The following ROBO2 variants were observed in gnomAD, a reference collection of about 807,000 sequenced individuals.
ROBO2 encodes the protein roundabout homolog 2.
Under a neutral mutation model 160.8 loss-of-function variants are expected in ROBO2, and 53 were observed. The observed-to-expected ratio is 0.33, with a 90% CI of 0.26 to 0.41. ROBO2 has a LOEUF of 0.41. Ranked by LOEUF, ROBO2 falls within the 10% of genes least tolerant of loss-of-function variation. The probability of loss-of-function intolerance (pLI) is 1.00; values close to 1 mark genes in which losing one functional copy is unlikely to be tolerated. For missense variants in ROBO2, 1,577 were observed against 1,722.4 expected, an observed-to-expected ratio of 0.92 and a Z score of 1.49; for synonymous variants, 664 against 611.7, an observed-to-expected ratio of 1.09 and a Z score of -1.26.
At chr3:76,854,807 T>C (rs552058706) in intron 2 of ROBO2, among the ~76,000 whole-genome samples, 1 of 152,148 alleles carries the variant, frequency 6.6e-6, no homozygotes, top group Non-Finnish European at 1.5e-5. Flanking sequence ...TTTTAAATCA[T>C]AAACTAAAGA....
chr3:76,175,625 C>T (rs935049202), intron 2 of ROBO2, among the ~76,000 whole-genome samples: 2 of 152,220 alleles, frequency 1.3e-5, no homozygotes, highest in East Asian at 3.9e-4. Flanking sequence ...GAAAGCTATA[C>T]TCCCTATCCT....
intron 2 of ROBO2, among the ~76,000 whole-genome samples, chr3:77,228,778 A>G (rs62253279): frequency 0.028 from 4,224 of 152,330 alleles, 66 homozygotes; most frequent in Middle Eastern, 0.054. Flanking sequence ...AAATCTTAAC[A>G]AAATCCAAAA....
At chr3:77,442,582 C>T (rs927323335) in intron 2 of ROBO2, among the ~76,000 whole-genome samples, 2 of 152,130 alleles carry the variant, frequency 1.3e-5, no homozygotes, top group African/African-American at 2.4e-5. Context: ...TCAAAACAGT[C>T]TCCAATACAT....
chr3:77,083,245 G>A (rs944363026), intron 1 of ROBO2, among the ~76,000 whole-genome samples: 2 of 152,054 alleles, frequency 1.3e-5, no homozygotes, highest in African/African-American at 2.4e-5. Flanking sequence ...CCAAATAAAC[G>A]CTGAGCCCCA....
intron 2 of ROBO2, among the ~76,000 whole-genome samples, chr3:76,682,981 C>T (rs1380236324): frequency 6.6e-6 from 1 of 152,040 alleles, no homozygotes; most frequent in Non-Finnish European, 1.5e-5. Context: ...TTAAATGATA[C>T]TTGATGAGAT....
chr3:76,210,960 T>C (rs1404845295), intron 2 of ROBO2, among the ~76,000 whole-genome samples: 2 of 152,138 alleles, frequency 1.3e-5, no homozygotes, highest in Non-Finnish European at 2.9e-5. Flanking sequence ...GTTAATATGC[T>C]CAGCATTTAC....
At chr3:76,517,549 C>T (rs3913570) in intron 2 of ROBO2, among the ~76,000 whole-genome samples, 97,590 of 151,938 alleles carry the variant, frequency 0.64, 31,569 homozygotes, top group African/African-American at 0.71. Flanking sequence ...CCAAATCCAA[C>T]TGGTGGCAAA....
intron 2 of ROBO2, among the ~76,000 whole-genome samples, chr3:76,920,842 A>ATG (rs2076609363): frequency 6.6e-6 from 1 of 152,254 alleles, no homozygotes; most frequent in Non-Finnish European, 1.5e-5. Context: ...CAAAAGTTAG[A>ATG]CAAATTTAAA....
chr3:76,301,794 A>G (rs1160633872), intron 2 of ROBO2, among the ~76,000 whole-genome samples: 3 of 152,116 alleles, frequency 2.0e-5, no homozygotes, highest in Non-Finnish European at 4.4e-5. Flanking sequence ...TGACCATGTA[A>G]CAAAAATATA....
At chr3:76,524,005 T>C (rs2081790467) in intron 2 of ROBO2, among the ~76,000 whole-genome samples, 1 of 146,756 alleles carries the variant, frequency 6.8e-6, no homozygotes, top group Non-Finnish European at 1.5e-5. Flanking sequence ...TGTGTGTGTG[T>C]GTGGTGTCTT....
chr3:76,891,174 T>TTC (rs566485084), intron 2 of ROBO2, among the ~76,000 whole-genome samples: 2 of 152,268 alleles, frequency 1.3e-5, no homozygotes, highest in African/African-American at 4.8e-5. Flanking sequence ...TTTTAAATAT[T>TTC]TCTGTATTTT....
In ROBO2 at chr3:76,061,133, C is replaced by T. The variant is rs150994271; in HGVS notation, c.109+123531C>T. Among the ~76,000 whole-genome samples, 108 of 152,294 alleles carry T rather than the reference C, an allele frequency of 7.1e-4. 2 individuals are homozygous for T. The East Asian group carries it at 0.019, about 26-fold the overall frequency. On this transcript the variant is annotated intron_variant, in intron 2 of 26. Coordinates refer to the ROBO2 transcript ENST00000487694. Reference sequence around the variant, plus strand: ...AAAAATCAATGTCAAGGTGACTTCACATGTGCAAATTCTCAGCAACAAGTT... The same window carrying T: ...AAAAATCAATGTCAAGGTGACTTCATATGTGCAAATTCTCAGCAACAAGTT...
chr3:75,995,257 A>G (rs2065690934), intron 2 of ROBO2, among the ~76,000 whole-genome samples: 2 of 152,132 alleles, frequency 1.3e-5, no homozygotes, highest in South Asian at 4.1e-4. Flanking sequence ...TCTAGAAGGA[A>G]AAAATGGTTT....
intron 2 of ROBO2, among the ~76,000 whole-genome samples, chr3:77,158,223 G>A (rs575997845): frequency 6.6e-6 from 1 of 152,236 alleles, no homozygotes; most frequent in East Asian, 1.9e-4. Context: ...CCAACATTGG[G>A]TAGAACTCAT....
chr3:77,608,127 A>G (rs1043644908), intron 21 of ROBO2, among the ~76,000 whole-genome samples, 173 bp downstream of exon 22: 4 of 151,270 alleles, frequency 2.6e-5, no homozygotes, highest in African/African-American at 7.3e-5. Context: ...TAGCTGATAA[A>G]TACAAAACAG....
At chr3:76,172,152 T>A (rs1164369632) in intron 2 of ROBO2, among the ~76,000 whole-genome samples, 1 of 152,016 alleles carries the variant, frequency 6.6e-6, no homozygotes, top group African/African-American at 2.4e-5. Context: ...TCCATGTCCC[T>A]ACAAAGGAGA....
chr3:76,416,979 T>C (rs1377620732), intron 2 of ROBO2, among the ~76,000 whole-genome samples: 3 of 152,234 alleles, frequency 2.0e-5, no homozygotes, highest in African/African-American at 7.2e-5. Flanking sequence ...ATTAATGTTA[T>C]AAGCATGTTA....
rs1312062679 is a variant in ROBO2, at chr3:77,277,331, A to G, written c.388+178991A>G. Reference sequence around the variant, plus strand: ...ATTTTAAGTTCAGGTGTACATGTGCAGGATGTGCAGGTTTGTTCCATAGGT... The same window carrying G: ...ATTTTAAGTTCAGGTGTACATGTGCGGGATGTGCAGGTTTGTTCCATAGGT... On this transcript the variant is annotated intron_variant, in intron 2 of 25. Coordinates refer to ENST00000461745, the Ensembl canonical transcript of ROBO2. Among the ~76,000 whole-genome samples the G allele has an allele frequency of 2.0e-5, 3 of 151,014 alleles. No individual in the cohort carries two copies. The South Asian group carries it at 6.3e-4, about 32-fold the overall frequency.
chr3:77,028,128 A>C (rs994697626), intron 2 of ROBO2, among the ~76,000 whole-genome samples: 1 of 151,946 alleles, frequency 6.6e-6, no homozygotes, highest in African/African-American at 2.4e-5. Context: ...TCAACAAGGA[A>C]TTGCTCATTA....
Sources: gnomAD v4.1 joint callset for allele counts (sites outside exome capture counted in the v4.1 genomes callset) on GRCh38, gnomAD v4.1.1 for gene constraint, MANE v1.5 for transcripts, NCBI Gene and HGNC (gene_info 2026-07-23, HGNC 2026-07-21) for gene names.